ELK3: variants seen among roughly 807,000 people sequenced by gnomAD.
ELK3 encodes the protein ETS transcription factor ELK3.
Under a neutral mutation model 28.9 loss-of-function variants are expected in ELK3, and 10 were observed. That is an observed-to-expected ratio of 0.35 (90% CI 0.21 to 0.59). The LOEUF (loss-of-function observed/expected upper bound fraction) is 0.59. Ranked by LOEUF, ELK3 falls within the 20% of genes least tolerant of loss-of-function variation. The pLI is 0.82. For missense variants in ELK3, 463 were observed against 517.3 expected (o/e 0.90, Z 1.02); for synonymous variants, 272 against 243.5 (o/e 1.12, Z -1.09).
At chr12:96,241,426 TTGTGTGTG>T (rs57658963) in intron 2 of ELK3, among the ~76,000 whole-genome samples, 24 of 146,448 alleles carry the variant, frequency 1.6e-4, no homozygotes, top group Admixed American at 4.1e-4. Context: ...AGTGGAGCGT[TTGTGTGTG>T]TGTGTGTGTG....
intron 2 of ELK3, among the ~76,000 whole-genome samples, chr12:96,229,872 C>T (rs893209865): frequency 6.6e-6 from 1 of 152,000 alleles, no homozygotes; most frequent in Non-Finnish European, 1.5e-5. Context: ...TGGATTAGGG[C>T]CCACCTTAAT....
Position 96,241,426 on chromosome 12 carries a change from TTG to T in ELK3, c.208-5482_208-5481del, listed in dbSNP as rs57658963. Among the ~76,000 whole-genome samples, 694 of 146,260 alleles carry T rather than the reference TTG, an allele frequency of 4.7e-3. 4 individuals are homozygous for T. The highest frequency in any genetic ancestry group is 0.039 in the East Asian group (191 of 4,960). On this transcript the variant is annotated intron_variant, in intron 2 of 4. Coordinates refer to ENST00000228741, the MANE Select transcript of ELK3 (RefSeq NM_005230.4). ...CTCTTCAAAGGGCACAGTGGAGCGT[TTG>T]TGTGTGTGTGTGTGTGTGTGTGTGT...
Position 96,247,711 on chromosome 12 carries a change from A to G in ELK3, c.979A>G (p.Thr327Ala). 6.3e-7 allele frequency: 1 copy of G among 1,591,758 alleles called. No individual in the cohort carries two copies. The highest frequency in any genetic ancestry group is 8.5e-7 in the Non-Finnish European group (1 of 1,169,946). Reference protein sequence around the residue: ...NSPALPSGSLTPAFFTAQTPN... With the variant: ...NSPALPSGSLAPAFFTAQTPN... ...CCCAGCCCTCCCCTCGGGATCCCTC[A>G]CCCCAGCCTTCTTCACCGCACAGGT... is the stretch of plus-strand genomic sequence containing the variant. Residue 327 changes from threonine (T) to alanine (A), a missense_variant, in exon 3 of 5, where the codon ACC becomes GCC. By Grantham distance (58) the Thr-to-Ala change is moderately conservative. Around this residue, in one of 2 missense-constraint regions of ELK3, gnomAD observed 408 missense variants for 414.8 expected, o/e 0.98. Coordinates refer to ENST00000228741, the MANE Select transcript of ELK3 (RefSeq NM_005230.4). The surrounding 1 kb of genome is among the most constrained non-coding windows in gnomAD (Gnocchi z 5.5).
At chr12:96,258,840 C>T (rs911217413) in intron 3 of ELK3, among the ~76,000 whole-genome samples, 1 of 152,180 alleles carries the variant, frequency 6.6e-6, no homozygotes, top group African/African-American at 2.4e-5. Context: ...GCCCTCCCTG[C>T]CCCCACCCAA....
chr12:96,203,899 C>T (rs111896148), intron 1 of ELK3, among the ~76,000 whole-genome samples: 65 of 152,272 alleles, frequency 4.3e-4, no homozygotes, highest in African/African-American at 1.4e-3. Context: ...CGAGATTGTG[C>T]CATTACACTC....
intron 1 of ELK3, among the ~76,000 whole-genome samples, chr12:96,210,151 T>C (rs1951566253): frequency 1.3e-5 from 2 of 152,172 alleles, no homozygotes; most frequent in Non-Finnish European, 2.9e-5. Flanking sequence ...GGGGGCCAGA[T>C]GCCCACTGGG....
At chr12:96,196,255 A>G (rs946366557) in intron 1 of ELK3, among the ~76,000 whole-genome samples, 9 of 152,170 alleles carry the variant, frequency 5.9e-5, no homozygotes, top group Admixed American at 3.3e-4. Context: ...CAGCCGCCCA[A>G]CGAGCCTTTT....
chr12:96,213,387 G>T (rs1592672608), intron 1 of ELK3, among the ~76,000 whole-genome samples: 1 of 152,318 alleles, frequency 6.6e-6, no homozygotes, highest in East Asian at 1.9e-4. Flanking sequence ...ACACGAGGCA[G>T]CCTTGGATGG....
intron 1 of ELK3, among the ~76,000 whole-genome samples, chr12:96,203,071 C>CG (rs1333144644): frequency 3.3e-5 from 5 of 151,994 alleles, no homozygotes; most frequent in African/African-American, 1.2e-4. Context: ...TTAGTAGAGA[C>CG]GGGGTTTCAC....
At chr12:96,250,074 A>G (rs909249239) in intron 3 of ELK3, among the ~76,000 whole-genome samples, 1 of 152,080 alleles carries the variant, frequency 6.6e-6, no homozygotes, top group Non-Finnish European at 1.5e-5. Context: ...AGGAGAGTGG[A>G]AGTAAAGGGA....
rs1238572078 is a variant in ELK3 at position 96,269,212 on chromosome 12, A to G, written c.*2032A>G. 2 of 152,216 alleles carry G rather than the reference A, an allele frequency of 1.3e-5. No homozygotes were observed. Among genetic ancestry groups the G allele is most frequent in the Non-Finnish European group, 2.9e-5 (2 of 68,038 alleles). The allele number at this position is 152,216 out of a possible 1,614,324, so 9.4% of individuals were successfully genotyped here. A position where few individuals can be genotyped will look rare whatever the true frequency, so the allele number is the denominator to read the frequency against. ...AATTACTGGTTCAAAACTACGTGTT[A>G]TTAGTAAAACAAACAAAACAGATAA... On this transcript the variant is annotated 3_prime_UTR_variant, in exon 5 of 5. Transcript: ENST00000228741.
chr12:96,255,145 C>T (rs1023671284), intron 3 of ELK3, among the ~76,000 whole-genome samples: 9 of 151,810 alleles, frequency 5.9e-5, no homozygotes, highest in Non-Finnish European at 1.0e-4. Flanking sequence ...TTGGGAGTGC[C>T]GTCAGCAGGA....
intron 4 of ELK3, among the ~76,000 whole-genome samples, chr12:96,261,640 T>C (rs772127712): frequency 6.6e-6 from 1 of 152,208 alleles, no homozygotes; most frequent in Non-Finnish European, 1.5e-5. Context: ...GAATAATAAG[T>C]GGCCTCTCAT....
chr12:96,203,845 G>A (rs991489998), intron 1 of ELK3, among the ~76,000 whole-genome samples: 11 of 152,178 alleles, frequency 7.2e-5, no homozygotes, highest in African/African-American at 2.7e-4. Flanking sequence ...GGAGGCTGAG[G>A]CAGGAGAATC....
At chr12:96,199,864 A>G (rs1951497668) in intron 1 of ELK3, among the ~76,000 whole-genome samples, 1 of 152,168 alleles carries the variant, frequency 6.6e-6, no homozygotes, top group South Asian at 2.1e-4. Context: ...AATTTAGACA[A>G]TGTTATATTA....
At chr12:96,216,138 A>G (rs1000597556) in intron 1 of ELK3, among the ~76,000 whole-genome samples, 3 of 152,154 alleles carry the variant, frequency 2.0e-5, no homozygotes, top group Admixed American at 1.3e-4. Context: ...TGCAGCGGCT[A>G]TGAGCGGTGT....
chr12:96,265,747 G>T (rs1952024583), intron 4 of ELK3, among the ~76,000 whole-genome samples: 1 of 152,126 alleles, frequency 6.6e-6, no homozygotes, highest in Admixed American at 6.5e-5. Flanking sequence ...CTAACTCAAT[G>T]GGAAGAGTGG....
Position 96,209,219 on chromosome 12 carries a change from G to T in ELK3, c.-2-14346G>T, listed in dbSNP as rs966233547. Among the ~76,000 whole-genome samples the T allele has an allele frequency of 5.9e-5, 9 of 152,212 alleles. 1 individual carries two copies. The highest frequency in any genetic ancestry group is 5.9e-4 in the Admixed American group (9 of 15,282). Reference sequence around the variant, plus strand: ...GAGTTTGAGAGAGGAGCTAACACATGAGATTTTCTTTTATTAAACATATTT... The same window carrying T: ...GAGTTTGAGAGAGGAGCTAACACATTAGATTTTCTTTTATTAAACATATTT... On this transcript the variant is annotated intron_variant, in intron 1 of 4. Coordinates refer to ENST00000228741, the MANE Select transcript of ELK3 (RefSeq NM_005230.4).
At chr12:96,201,474 G>T (rs1021549521) in intron 1 of ELK3, among the ~76,000 whole-genome samples, 1 of 151,556 alleles carries the variant, frequency 6.6e-6, no homozygotes, top group African/African-American at 2.4e-5. Flanking sequence ...TTAGCTAGAC[G>T]TGGTGGTGCG....
Sources: gnomAD v4.1 joint callset for allele counts (sites outside exome capture counted in the v4.1 genomes callset) on GRCh38, gnomAD v4.1.1 for gene constraint, gnomAD v4.1.1 regional missense constraint, Gnocchi (gnomAD v3.1) non-coding constraint, MANE v1.5 for transcripts, NCBI Gene and HGNC (gene_info 2026-07-23, HGNC 2026-07-21) for gene names.